The following LRRC75A variants were observed in gnomAD, a reference collection of about 807,000 sequenced individuals.
The protein encoded by LRRC75A is leucine rich repeat containing 75A, also known as leucine-rich repeat-containing protein 75A.
A neutral mutation model predicts 26.0 loss-of-function variants in LRRC75A; 12 were observed. The observed-to-expected ratio is 0.46, with a 90% CI of 0.30 to 0.75. LRRC75A has a LOEUF of 0.75. Ranked by LOEUF, LRRC75A falls within the 30% of genes least tolerant of loss-of-function variation. The pLI is 0.08. For missense variants in LRRC75A, 410 were observed against 486.6 expected, an observed-to-expected ratio of 0.84 and a Z score of 1.48; for synonymous variants, 223 against 219.3, an observed-to-expected ratio of 1.02 and a Z score of -0.15.
rs2093551388 is a variant in LRRC75A, at chr17:16,443,452, G to A, written c.*136C>T. 2.8e-6 allele frequency: 2 copies of A among 704,104 alleles called. No homozygotes were observed. The highest frequency in any genetic ancestry group is 4.3e-5 in the South Asian group (2 of 46,846). The allele number at this position is 704,104 out of a possible 1,614,324, so 43.6% of individuals were successfully genotyped here. A position where few individuals can be genotyped will look rare whatever the true frequency, so the allele number is the denominator to read the frequency against. ...TCCCCTTCCCCAGATGATATGGTTT[G>A]CCTTTCTGTAGGTGGGTGGCCCAGG... On this transcript the variant is annotated 3_prime_UTR_variant, in exon 4 of 4. Coordinates refer to ENST00000470794, the MANE Select transcript of LRRC75A (RefSeq NM_001113567.3).
chr17:16,462,501 G>A lies in LRRC75A; in HGVS notation c.247-115C>T, dbSNP rs1025349781. ...AGGCGACTCTGCCTCCCAGAGCCCC[G>A]GTGGGGAGCATCTGCAGAACTTCCC... On this transcript the variant is annotated intron_variant, in intron 1 of 3. Coordinates refer to ENST00000470794, the MANE Select transcript of LRRC75A (RefSeq NM_001113567.3). This position sits in a 1 kb window ranked among gnomAD's most constrained non-coding sequence, Gnocchi z 4.6. The A allele has an allele frequency of 4.7e-5, 66 of 1,392,498 alleles. No individual in the cohort carries two copies. The highest frequency in any genetic ancestry group is 7.2e-5 in the African/African-American group (5 of 69,742). 86.3% of individuals were successfully genotyped at this position (1,392,498 alleles called of 1,614,324 possible).
At chr17:16,455,370 C>A (rs555954621) in intron 2 of LRRC75A, among the ~76,000 whole-genome samples, 1 of 147,700 alleles carries the variant, frequency 6.8e-6, no homozygotes, top group African/African-American at 2.5e-5. Context: ...AAAAGTACCA[C>A]ACAGTTCTGC....
At chr17:16,470,886 T>C (rs1338442068) in intron 1 of LRRC75A, among the ~76,000 whole-genome samples, 3 of 151,870 alleles carry the variant, frequency 2.0e-5, no homozygotes, top group African/African-American at 7.3e-5. Context: ...CTGCACTCCC[T>C]CTAGAGATTC....
chr17:16,443,712 C>T lies in LRRC75A; in HGVS notation c.911G>A (p.Gly304Asp). 6.2e-7 allele frequency: 1 copy of T among 1,612,968 alleles called. No homozygotes were observed. The highest frequency in any genetic ancestry group is 1.1e-5 in the South Asian group (1 of 91,012). ...HLPTILELGE[G>D]PGSGEEVREG... ...CCGGACCTCCTCCCCACTGCCTGGG[C>T]CCTCACCCAGCTCCAGGATGGTGGG... The change falls in exon 4 of 4, where the codon GGC (glycine) becomes GAC (aspartate). Residue 304 changes from glycine to aspartate, a missense_variant. Physicochemically the swap from Gly to Asp is moderately conservative, Grantham distance 94. Coordinates refer to ENST00000470794, the MANE Select transcript of LRRC75A (RefSeq NM_001113567.3).
intron 3 of LRRC75A, among the ~76,000 whole-genome samples, chr17:16,447,436 C>A (rs1601076318): frequency 6.6e-6 from 1 of 152,286 alleles, no homozygotes; most frequent in East Asian, 1.9e-4. Context: ...TCCTGAGAAA[C>A]TAGGATTACA....
rs1008423763 is a variant in LRRC75A at position 16,491,711 on chromosome 17, C to T, written c.246+34G>A. 5 of 1,296,002 alleles carry T rather than the reference C, an allele frequency of 3.9e-6. No homozygotes were observed. In the African/African-American group the frequency reaches 6.3e-5, roughly 16 times the overall value. 80.3% of individuals were successfully genotyped at this position (1,296,002 alleles called of 1,614,324 possible). A position where few individuals can be genotyped will look rare whatever the true frequency, so the allele number is the denominator to read the frequency against. The stretch of plus-strand genomic sequence containing the variant: ...CCCCGGCCCAGCACGCCCCCTGGCC[C>T]GGCGCGCCCCCCGCGCCCCCTCCCC... On this transcript the variant is annotated intron_variant, in intron 1 of 3. Transcript: ENST00000470794. The surrounding 1 kb of genome is among the most constrained non-coding windows in gnomAD (Gnocchi z 5.9).
At chr17:16,444,325 C>T (rs565767214) in intron 3 of LRRC75A, among the ~76,000 whole-genome samples, 194 bp from the exon 4 acceptor site, 205 of 152,344 alleles carry the variant, frequency 1.3e-3, no homozygotes, top group Non-Finnish European at 2.5e-3. Flanking sequence ...CACGTCTCAG[C>T]TGTCAGGGCC....
chr17:16,478,191 CTTT>C (rs768032038), intron 1 of LRRC75A, among the ~76,000 whole-genome samples: 2 of 140,090 alleles, frequency 1.4e-5, no homozygotes, highest in Admixed American at 7.2e-5. Flanking sequence ...CTTTTTTTTT[CTTT>C]TTTTTTTTTT....
chr17:16,479,283 A>C (rs1372112968), intron 1 of LRRC75A, among the ~76,000 whole-genome samples: 3 of 152,234 alleles, frequency 2.0e-5, no homozygotes, highest in African/African-American at 4.8e-5. Flanking sequence ...GAAAGAGGGC[A>C]AGTACCCGCC....
chr17:16,452,808 A>G (rs1014278992), intron 2 of LRRC75A, among the ~76,000 whole-genome samples: 12 of 152,228 alleles, frequency 7.9e-5, no homozygotes, highest in Admixed American at 7.2e-4. Context: ...TTCAAAGACC[A>G]TGGGTGGGAT....
intron 1 of LRRC75A, among the ~76,000 whole-genome samples, chr17:16,483,183 C>T (rs1163007587): frequency 1.3e-5 from 2 of 152,334 alleles, no homozygotes; most frequent in Middle Eastern, 3.4e-3. Context: ...GCCTCATTAC[C>T]CTCCCCAGTG....
chr17:16,456,737 G>A (rs1037246043), intron 2 of LRRC75A, among the ~76,000 whole-genome samples: 5 of 152,200 alleles, frequency 3.3e-5, no homozygotes, highest in African/African-American at 7.2e-5. Flanking sequence ...TTGGCTGCCC[G>A]TGGGCACCAC....
At chr17:16,463,970 A>T (rs2093747998) in intron 1 of LRRC75A, 1 of 152,226 alleles carries the variant, frequency 6.6e-6, no homozygotes, top group African/African-American at 2.4e-5. Context: ...CAAGCAAAAA[A>T]AGAGTCTTTG....
chr17:16,472,767 G>A (rs1449042728), intron 1 of LRRC75A, among the ~76,000 whole-genome samples: 1 of 152,122 alleles, frequency 6.6e-6, no homozygotes, highest in South Asian at 2.1e-4. Context: ...CACCGGAAGT[G>A]GATTCAGCCA....
At chr17:16,446,332 A>G (rs1055884128) in intron 3 of LRRC75A, among the ~76,000 whole-genome samples, 2 of 152,234 alleles carry the variant, frequency 1.3e-5, no homozygotes, top group African/African-American at 4.8e-5. Flanking sequence ...AGGGGGAGAC[A>G]GACCACAAAC....
chr17:16,490,756 C>G (rs1293461185), intron 1 of LRRC75A, among the ~76,000 whole-genome samples: 1 of 152,154 alleles, frequency 6.6e-6, no homozygotes, highest in African/African-American at 2.4e-5. Context: ...CCTCTGCCAT[C>G]CACGGTAGAC....
At position 16,462,215 on chromosome 17, in the gene LRRC75A, G is replaced by A. The variant is rs374142428; in HGVS notation, c.375+43C>T. On this transcript the variant is annotated intron_variant, in intron 2 of 3. Transcript: ENST00000470794. The surrounding 1 kb of genome is among the most constrained non-coding windows in gnomAD (Gnocchi z 4.6). Reference sequence around the variant, plus strand: ...TGCTCTGCCCAGAAAGGCACCCACCGCACACCCCGGGACCTGGCTGGCTCG... The same window carrying A: ...TGCTCTGCCCAGAAAGGCACCCACCACACACCCCGGGACCTGGCTGGCTCG... 7.5e-5 allele frequency: 120 copies of A among 1,610,540 alleles called. No individual in the cohort carries two copies. The highest frequency in any genetic ancestry group is 1.1e-4 in the African/African-American group (8 of 74,828).
At chr17:16,477,972 A>G (rs1026828363) in intron 1 of LRRC75A, among the ~76,000 whole-genome samples, 1 of 151,602 alleles carries the variant, frequency 6.6e-6, no homozygotes, top group Non-Finnish European at 1.5e-5. Flanking sequence ...AAGACAGCCA[A>G]TGCAATGGGT....
chr17:16,461,420 C>T (rs975116098), intron 2 of LRRC75A, among the ~76,000 whole-genome samples: 4 of 152,262 alleles, frequency 2.6e-5, no homozygotes, highest in African/African-American at 4.8e-5. Flanking sequence ...AACAGAGAAG[C>T]GCTCAAGTGT....
Sources: allele counts gnomAD v4.1 joint callset (sites outside exome capture counted in the v4.1 genomes callset), GRCh38; gene constraint gnomAD v4.1.1; non-coding constraint Gnocchi (gnomAD v3.1); transcripts MANE v1.5; gene names NCBI Gene and HGNC (gene_info 2026-07-23, HGNC 2026-07-21).